The following ERAP1 variants were observed in gnomAD, a reference collection of about 807,000 sequenced individuals.
ERAP1 encodes endoplasmic reticulum aminopeptidase 1, also known as adipocyte-derived leucine aminopeptidase.
ERAP1 carries 86 observed loss-of-function variants against 103.7 expected under a neutral mutation model. That is an observed-to-expected ratio of 0.83 (90% confidence interval 0.70 to 0.99). The LOEUF (loss-of-function observed/expected upper bound fraction) is 0.99, where lower values mean the gene tolerates loss of function less well. Among genes scored for constraint, ERAP1 ranks in the 50% least tolerant of loss-of-function variants. ERAP1 has a pLI of 0.00. For synonymous variants in ERAP1, 398 were observed against 402.4 expected, an observed-to-expected ratio of 0.99 and a Z score of 0.13; for missense variants, 1,009 against 1,128.4, an observed-to-expected ratio of 0.89 and a Z score of 1.52.
At chr5:96,834,460 C>G in the ERAP1 span, among the ~76,000 whole-genome samples, 1 of 152,170 alleles carries the variant, frequency 6.6e-6, no homozygotes, top group South Asian at 2.1e-4. Flanking sequence ...GAGTTCAACA[C>G]AGTGATCAGA....
the ERAP1 span, among the ~76,000 whole-genome samples, chr5:96,829,739 T>A: frequency 6.6e-6 from 1 of 152,226 alleles, no homozygotes; most frequent in Non-Finnish European, 1.5e-5. Context: ...TTGTATGGAT[T>A]TTTTGAGTAT....
chr5:96,884,543 G>A, the ERAP1 span, among the ~76,000 whole-genome samples: 4 of 129,916 alleles, frequency 3.1e-5, no homozygotes, highest in Non-Finnish European at 6.6e-5. Flanking sequence ...ATTAATTGTG[G>A]TTATACAAGT....
chr5:96,855,857 T>C, the ERAP1 span, among the ~76,000 whole-genome samples: 1 of 152,110 alleles, frequency 6.6e-6, no homozygotes, highest in Non-Finnish European at 1.5e-5. Flanking sequence ...TCAAATAATT[T>C]ATGCAAGTAT....
chr5:96,780,844 T>G (rs750807511), intron 17 of ERAP1, among the ~76,000 whole-genome samples: 3 of 152,252 alleles, frequency 2.0e-5, no homozygotes, highest in Non-Finnish European at 2.9e-5. Flanking sequence ...GAAGGGGTTA[T>G]GCCAGATGGA....
At chr5:96,821,285 T>G in the ERAP1 span, among the ~76,000 whole-genome samples, 1 of 152,254 alleles carries the variant, frequency 6.6e-6, no homozygotes, top group South Asian at 2.1e-4. Context: ...GCATATAGAC[T>G]AACATTTGAC....
chr5:96,903,595 A>G, the ERAP1 span: 1 of 1,545,110 alleles, frequency 6.5e-7, no homozygotes, highest in South Asian at 1.2e-5. Flanking sequence ...CATGCAAAAT[A>G]ACTGATTCGT....
the ERAP1 span, among the ~76,000 whole-genome samples, chr5:96,833,473 T>C: frequency 6.6e-6 from 1 of 152,346 alleles, no homozygotes; most frequent in African/African-American, 2.4e-5. Context: ...GGTGTCAAGA[T>C]AAAAATGAAC....
chr5:96,768,087 C>CAA, intron 19 of ERAP1: 1 of 890,948 alleles, frequency 1.1e-6, no homozygotes, highest in Non-Finnish European at 1.9e-6. Context: ...ATTGATCTAT[C>CAA]TATCGGTCTG....
chr5:96,881,440 G>A, the ERAP1 span: 1 of 456,256 alleles, frequency 2.2e-6, no homozygotes, highest in East Asian at 6.9e-5. Context: ...GCTTCATAGA[G>A]TGGACGGCTT....
chr5:96,821,136 C>G, the ERAP1 span, among the ~76,000 whole-genome samples: 2 of 152,146 alleles, frequency 1.3e-5, no homozygotes, highest in Admixed American at 6.5e-5. Context: ...AGTCAGAACT[C>G]CCTCTTCCTC....
intron 14 of ERAP1, 62 bp from the exon 15 acceptor site, chr5:96,783,297 A>T: frequency 6.7e-7 from 1 of 1,491,828 alleles, no homozygotes; most frequent in South Asian, 1.3e-5. Flanking sequence ...ATGTTAATAT[A>T]ATCCATTATG....
chr5:96,791,035 CA>C (rs1244549389), intron 8 of ERAP1, among the ~76,000 whole-genome samples: 1 of 152,134 alleles, frequency 6.6e-6, no homozygotes, highest in African/African-American at 2.4e-5. Flanking sequence ...GAGGCCAGTA[CA>C]ACAAGGGGTG....
At chr5:96,817,524 GAATCACTAAGCTATTT>G in the ERAP1 span, among the ~76,000 whole-genome samples, 1 of 152,300 alleles carries the variant, frequency 6.6e-6, no homozygotes, top group South Asian at 2.1e-4. Flanking sequence ...GCAGAGCACA[GAATCACTAAGCTATTT>G]AATCAGAAAA....
At chr5:96,935,162 C>G in the ERAP1 span, 2 of 152,232 alleles carry the variant, frequency 1.3e-5, no homozygotes, top group Non-Finnish European at 2.9e-5. Flanking sequence ...TGGTAGCACC[C>G]CCGGGAACCG....
chr5:96,804,460 A>G (rs1448840232), intron 1 of ERAP1: 1 of 179,150 alleles, frequency 5.6e-6, no homozygotes, highest in Non-Finnish European at 1.2e-5. Context: ...AGCCACCACT[A>G]GAACGAGGTC....
At chr5:96,875,504 C>A in the ERAP1 span, among the ~76,000 whole-genome samples, 1 of 150,312 alleles carries the variant, frequency 6.7e-6, no homozygotes, top group South Asian at 2.1e-4. Context: ...CCACTGCACT[C>A]CAACCTGGGT....
the ERAP1 span, among the ~76,000 whole-genome samples, chr5:96,904,767 A>G: frequency 6.6e-6 from 1 of 152,226 alleles, no homozygotes; most frequent in Non-Finnish European, 1.5e-5. Context: ...TAGTTGTGAA[A>G]TCTTTTTTGC....
chr5:96,886,199 A>G, the ERAP1 span, among the ~76,000 whole-genome samples: 1 of 152,220 alleles, frequency 6.6e-6, no homozygotes, highest in Admixed American at 6.5e-5. Context: ...CAGGATTAAA[A>G]GATAATGTGC....
the ERAP1 span, chr5:96,881,454 T>G: frequency 2.2e-6 from 1 of 456,236 alleles, no homozygotes; most frequent in Non-Finnish European, 4.4e-6. Context: ...ACGGCTTGGT[T>G]TCCCAGGGCC....
Sources: gnomAD v4.1 joint callset for allele counts (sites outside exome capture counted in the v4.1 genomes callset) on GRCh38, gnomAD v4.1.1 for gene constraint, MANE v1.5 for transcripts, NCBI Gene and HGNC (gene_info 2026-07-23, HGNC 2026-07-21) for gene names.